The following ARHGEF4 variants were observed in gnomAD, a reference collection of about 807,000 sequenced individuals.
ARHGEF4 encodes the protein APC-stimulated guanine nucleotide exchange factor 1.
A neutral mutation model predicts 162.0 loss-of-function variants in ARHGEF4; 119 were observed. That is an observed-to-expected ratio of 0.73 (90% CI 0.63 to 0.86). The LOEUF is 0.86. ARHGEF4 is among the 40% of genes least tolerant of loss of function. The probability of loss-of-function intolerance (pLI) is 0.00; values close to 1 mark genes in which losing one functional copy is unlikely to be tolerated. For synonymous variants in ARHGEF4, 1,014 were observed against 979.9 expected, an observed-to-expected ratio of 1.03 and a Z score of -0.65; for missense variants, 2,488 against 2,456.0, an observed-to-expected ratio of 1.01 and a Z score of -0.28.
At position 130,914,339 on chromosome 2, in the gene ARHGEF4, C is replaced by T. The variant is rs1681365774; in HGVS notation, c.393C>T (p.Leu131=). 1.2e-5 allele frequency: 17 copies of T among 1,467,988 alleles called. No individual in the cohort carries two copies. The highest frequency in any genetic ancestry group is 1.4e-5 in the Non-Finnish European group (16 of 1,114,896). 90.9% of individuals were successfully genotyped at this position (1,467,988 alleles called of 1,614,324 possible). Residue 131 remains leucine, a synonymous_variant, in exon 2 of 14, where the codon CTC becomes CTT. Transcript: ENST00000409359. ...SVPGLHAKEE[L]DLSPSLEDDS... ...CTGGGCTTCATGCAAAGGAAGAACT[C>T]GATTTGTCCCCTAGCTTAGAGGATG...
At chr2:130,934,569 G>A (rs1213099403) in intron 3 of ARHGEF4, among the ~76,000 whole-genome samples, 1 of 152,120 alleles carries the variant, frequency 6.6e-6, no homozygotes, top group Non-Finnish European at 1.5e-5. Context: ...TTGAGATGGA[G>A]TCTCACTCTG....
chr2:130,931,132 C>G lies in ARHGEF4; in HGVS notation c.3733C>G (p.Pro1245Ala), dbSNP rs1682607202. The G allele has an allele frequency of 6.2e-7, 1 of 1,614,034 alleles. No homozygotes were observed. Among genetic ancestry groups the G allele is most frequent in the African/African-American group, 1.3e-5 (1 of 74,920 alleles). ...GGCTCCTTCACAGCCTAGGGGCATC[C>G]CTCACCGCTCGCCCGTCAGTGTGGA... ...GEAPSQPRGI[P>A]HRSPVSVDDL... The change falls in exon 3 of 14, where the codon CCT becomes GCT. Residue 1245 changes from proline (P) to alanine (A), a missense_variant. By Grantham distance (27) the Pro-to-Ala change is conservative. Around this residue, in one of 6 missense-constraint regions of ARHGEF4, gnomAD observed 1,642 missense variants for 1,481.5 expected, o/e 1.11. Coordinates refer to ENST00000409359, the MANE Select transcript of ARHGEF4 (RefSeq NM_001367493.1).
chr2:130,916,113 T>C lies in ARHGEF4; in HGVS notation c.2167T>C (p.Ser723Pro). Residue 723 changes from serine (S) to proline (P), a missense_variant, in exon 2 of 14, where the codon TCG becomes CCG. Coordinates refer to ENST00000409359, the MANE Select transcript of ARHGEF4 (RefSeq NM_001367493.1). ...GAGAGTGCTGGTCCCCCAAGCTGCT[T>C]CGGAAGAGACGCCGAGCACAGAGGA... ...LGRVLVPQAASEETPSTEEPP... is the reference protein window; with the variant it reads ...LGRVLVPQAAPEETPSTEEPP... The C allele has an allele frequency of 6.5e-7, 1 of 1,549,614 alleles. No individual in the cohort carries two copies. The highest frequency in any genetic ancestry group is 8.7e-7 in the Non-Finnish European group (1 of 1,146,796).
chr2:130,898,840 A>G (rs6727640), intron 1 of ARHGEF4, among the ~76,000 whole-genome samples: 36,397 of 152,056 alleles, frequency 0.24, 7,305 homozygotes, highest in African/African-American at 0.55. Context: ...AGTGACAGAC[A>G]GATTGTAGTC....
chr2:130,913,725 G>A (rs1360019968), intron 1 of ARHGEF4, among the ~76,000 whole-genome samples: 3 of 152,342 alleles, frequency 2.0e-5, no homozygotes, highest in South Asian at 2.1e-4. Flanking sequence ...GCACATGTGC[G>A]TTGGTCCGGT....
intron 5 of ARHGEF4, among the ~76,000 whole-genome samples, chr2:131,031,968 G>A (rs1368766770): frequency 6.6e-6 from 1 of 152,206 alleles, no homozygotes; most frequent in Non-Finnish European, 1.5e-5. Flanking sequence ...GCCAGTGCGA[G>A]CCATGATGTG....
intron 1 of ARHGEF4, among the ~76,000 whole-genome samples, chr2:130,855,204 T>C (rs1198972713): frequency 6.6e-6 from 1 of 151,844 alleles, no homozygotes; most frequent in African/African-American, 2.4e-5. Flanking sequence ...AAACAAAAAG[T>C]TGGAGAACCC....
rs369800671 is a variant in ARHGEF4 at position 130,946,626 on chromosome 2, C to A, written c.3976C>A (p.Pro1326Thr). 3.7e-6 allele frequency: 6 copies of A among 1,613,922 alleles called. No homozygotes were observed. Among genetic ancestry groups the A allele is most frequent in the Non-Finnish European group, 5.1e-6 (6 of 1,179,950 alleles). Reference protein sequence around the residue: ...LNHMGWPEHTPGTAMPDGALD... With the variant: ...LNHMGWPEHTTGTAMPDGALD... ...CCACATGGGCTGGCCAGAGCACACACCAGGCACTGGTGAGTTACGCGCCTC... is the reference window on the plus strand; with the variant it reads ...CCACATGGGCTGGCCAGAGCACACAACAGGCACTGGTGAGTTACGCGCCTC... The change falls in exon 4 of 14, where the codon CCA becomes ACA. Residue 1326 changes from proline (P) to threonine (T), a missense_variant. By Grantham distance (38) the Pro-to-Thr change is conservative (BLOSUM62 -1). This residue lies in a region of ARHGEF4 where 1,642 missense variants were observed against 1,481.5 expected (regional missense o/e 1.11). Transcript: ENST00000409359.
chr2:130,977,260 T>C (rs1685800516), intron 4 of ARHGEF4, among the ~76,000 whole-genome samples: 1 of 151,850 alleles, frequency 6.6e-6, no homozygotes. Context: ...ATGTGTAGTG[T>C]GTGGTATGTG....
chr2:130,972,803 T>C (rs568570229), intron 4 of ARHGEF4, among the ~76,000 whole-genome samples: 1 of 152,334 alleles, frequency 6.6e-6, no homozygotes, highest in South Asian at 2.1e-4. Context: ...GACAAGGAAA[T>C]GTGATTGTTT....
intron 1 of ARHGEF4, among the ~76,000 whole-genome samples, chr2:130,884,930 A>C (rs938259404): frequency 3.3e-5 from 5 of 152,276 alleles, no homozygotes; most frequent in African/African-American, 1.2e-4. Flanking sequence ...CTTCTTCATC[A>C]ATAAATGAAG....
At chr2:130,905,545 G>A (rs909997494) in intron 1 of ARHGEF4, among the ~76,000 whole-genome samples, 8 of 152,124 alleles carry the variant, frequency 5.3e-5, no homozygotes, top group East Asian at 1.9e-4. Flanking sequence ...GAATTCTTCT[G>A]TAAGGAAGAG....
intron 5 of ARHGEF4, among the ~76,000 whole-genome samples, chr2:131,031,804 C>G (rs145726391): frequency 6.6e-6 from 1 of 152,242 alleles, no homozygotes; most frequent in African/African-American, 2.4e-5. Context: ...TCGCCCTCCC[C>G]CTTGACTCTC....
intron 4 of ARHGEF4, among the ~76,000 whole-genome samples, chr2:131,016,753 T>G (rs1290458819): frequency 6.6e-6 from 1 of 152,190 alleles, no homozygotes; most frequent in Non-Finnish European, 1.5e-5. Flanking sequence ...TCTCAAGGAT[T>G]TGCATCTCTA....
chr2:130,974,374 A>G (rs1356140852), intron 4 of ARHGEF4, among the ~76,000 whole-genome samples: 4 of 152,042 alleles, frequency 2.6e-5, no homozygotes, highest in African/African-American at 7.2e-5. Flanking sequence ...ACCTTGCCCT[A>G]CAGGTTTTAT....
chr2:130,883,072 T>A (rs993847690), intron 1 of ARHGEF4, among the ~76,000 whole-genome samples: 1 of 152,028 alleles, frequency 6.6e-6, no homozygotes, highest in Admixed American at 6.5e-5. Flanking sequence ...CTAACCCCTA[T>A]GAGTTATTTT....
intron 13 of ARHGEF4, 65 bp downstream of exon 13, chr2:131,045,511 C>T: frequency 1.2e-6 from 2 of 1,613,458 alleles, no homozygotes; most frequent in Non-Finnish European, 1.7e-6. Flanking sequence ...TCATTCCCTT[C>T]TCTGAACCAC....
chr2:130,836,944 G>C lies in ARHGEF4; in HGVS notation c.-10G>C, dbSNP rs1680235121. 1 of 1,225,324 alleles carries C rather than the reference G, an allele frequency of 8.2e-7. No homozygotes were observed. The highest frequency in any genetic ancestry group is 1.0e-6 in the Non-Finnish European group (1 of 983,846). 75.9% of individuals were successfully genotyped at this position (1,225,324 alleles called of 1,614,324 possible). A position where few individuals can be genotyped will look rare whatever the true frequency, so the allele number is the denominator to read the frequency against. ...GCTGCGGCCGGGCTCCGGGCGTCCCGGCGGCCACCATGCTCAGCGTCGTGC... is the reference window on the plus strand; with the variant it reads ...GCTGCGGCCGGGCTCCGGGCGTCCCCGCGGCCACCATGCTCAGCGTCGTGC... On this transcript the variant is annotated 5_prime_UTR_variant, in exon 1 of 14. Transcript: ENST00000409359.
chr2:130,921,551 G>C (rs1681875633), intron 2 of ARHGEF4, among the ~76,000 whole-genome samples: 1 of 152,160 alleles, frequency 6.6e-6, no homozygotes, highest in Admixed American at 6.5e-5. Context: ...CTCTCATTAG[G>C]AGTATCCTTT....
Sources: gnomAD v4.1 joint callset for allele counts (sites outside exome capture counted in the v4.1 genomes callset) on GRCh38, gnomAD v4.1.1 for gene constraint, gnomAD v4.1.1 regional missense constraint, MANE v1.5 for transcripts, NCBI Gene and HGNC (gene_info 2026-07-23, HGNC 2026-07-21) for gene names.